CLMN: variants seen among roughly 807,000 people sequenced by gnomAD.
CLMN encodes the protein calmin.
CLMN carries 57 observed loss-of-function variants against 92.7 expected under a neutral mutation model. The observed-to-expected ratio is 0.61, with a 90% CI of 0.50 to 0.77. The LOEUF is 0.77. Among genes scored for constraint, CLMN ranks in the 30% least tolerant of loss-of-function variants. The probability of loss-of-function intolerance (pLI) is 0.00; values close to 1 mark genes in which losing one functional copy is unlikely to be tolerated. For missense variants in CLMN, 1,158 were observed against 1,237.5 expected (o/e 0.94, Z 0.96); for synonymous variants, 466 against 470.6 (o/e 0.99, Z 0.13).
intron 1 of CLMN, among the ~76,000 whole-genome samples, chr14:95,270,138 C>T (rs758070686): frequency 6.6e-6 from 1 of 152,150 alleles, no homozygotes; most frequent in Non-Finnish European, 1.5e-5. Flanking sequence ...TCTCCTCCCA[C>T]GATGTGCCAT....
At chr14:95,260,237 C>T (rs879614827) in intron 1 of CLMN, among the ~76,000 whole-genome samples, 2 of 152,076 alleles carry the variant, frequency 1.3e-5, no homozygotes, top group Admixed American at 1.3e-4. Context: ...GTCAGGAGAT[C>T]GAGACCATCC....
rs564869405 is a variant in CLMN, at chr14:95,264,867, G to T, written c.83-34734C>A. Among the ~76,000 whole-genome samples the T allele has an allele frequency of 8.1e-4, 122 of 150,348 alleles. 1 individual carries two copies. The South Asian group carries it at 0.014, about 18-fold the overall frequency. On this transcript the variant is annotated intron_variant, in intron 1 of 12. Coordinates refer to ENST00000298912, the MANE Select transcript of CLMN (RefSeq NM_024734.4). ...GCAGGAGGATCACTTGAATCCAGGAGTTTGAGACCAGCCTGGGCAACATGG... is the reference window on the plus strand; with the variant it reads ...GCAGGAGGATCACTTGAATCCAGGATTTTGAGACCAGCCTGGGCAACATGG...
intron 1 of CLMN, among the ~76,000 whole-genome samples, chr14:95,317,659 C>G (rs150709907): frequency 6.6e-6 from 1 of 151,136 alleles, no homozygotes; most frequent in Admixed American, 6.6e-5. Flanking sequence ...CAGGTTCTAG[C>G]GGCAAAACTA....
At chr14:95,264,318 A>G (rs1162324553) in intron 1 of CLMN, among the ~76,000 whole-genome samples, 1 of 152,154 alleles carries the variant, frequency 6.6e-6, no homozygotes, top group Non-Finnish European at 1.5e-5. Context: ...TATAGGCATG[A>G]GCCACTGTGC....
chr14:95,293,609 C>T (rs552111582), intron 1 of CLMN, among the ~76,000 whole-genome samples: 81 of 152,220 alleles, frequency 5.3e-4, no homozygotes, highest in African/African-American at 1.9e-3. Context: ...CAGGCAGGAA[C>T]GAGCTGCACA....
At position 95,193,872 on chromosome 14, in the gene CLMN, G is replaced by A. The variant is rs756579565; in HGVS notation, c.2817C>T (p.Asp939=). 18 of 1,613,942 alleles carry A rather than the reference G, an allele frequency of 1.1e-5. No individual in the cohort carries two copies. The highest frequency in any genetic ancestry group is 1.7e-5 in the Admixed American group (1 of 59,978). The change falls in exon 12 of 13, where the codon GAC becomes GAT. Residue 939 remains aspartate, a synonymous_variant. Transcript: ENST00000298912. ...VQLRNAADLD[D]RRNRILTRKA... ...ACCTGGTTAATATTCGGTTTCTTCTGTCATCCAGATCTGCTGCGTTCCTCA... is the reference window on the plus strand; with the variant it reads ...ACCTGGTTAATATTCGGTTTCTTCTATCATCCAGATCTGCTGCGTTCCTCA...
intron 1 of CLMN, among the ~76,000 whole-genome samples, chr14:95,316,950 C>T (rs573910098): frequency 1.3e-3 from 193 of 152,336 alleles, no homozygotes; most frequent in African/African-American, 4.4e-3. Context: ...CACTGTAGCC[C>T]TCCTTCCATC....
intron 9 of CLMN, 93 bp downstream of exon 9, chr14:95,202,745 G>A (rs1158910112): frequency 3.0e-5 from 40 of 1,335,370 alleles, no homozygotes; most frequent in Non-Finnish European, 3.0e-5. Flanking sequence ...CCCCCTCATC[G>A]CTATTTTATG....
In CLMN at chr14:95,196,665, T is replaced by C; in HGVS notation, c.2541A>G (p.Ile847Met). ...QSQESPNLENIANPLEENVTK... is the reference protein window; with the variant it reads ...QSQESPNLENMANPLEENVTK... Reference sequence around the variant, plus strand: ...TTACATTTTCTTCTAGGGGGTTTGCTATGTTTTCCAGGTTTGGGGATTCCT... The same window carrying C: ...TTACATTTTCTTCTAGGGGGTTTGCCATGTTTTCCAGGTTTGGGGATTCCT... Residue 847 changes from isoleucine (I) to methionine (M), a missense_variant, in exon 10 of 13, where the codon ATA (isoleucine) becomes ATG (methionine). Ile to Met is a conservative substitution (Grantham distance 10). Coordinates refer to ENST00000298912, the MANE Select transcript of CLMN (RefSeq NM_024734.4). 8 of 1,613,452 alleles carry C rather than the reference T, an allele frequency of 5.0e-6. No individual in the cohort carries two copies. The highest frequency in any genetic ancestry group is 6.8e-6 in the Non-Finnish European group (8 of 1,179,836).
At chr14:95,213,471 T>A in intron 5 of CLMN, 62 bp from the exon 6 acceptor site, 1 of 1,505,094 alleles carries the variant, frequency 6.6e-7, no homozygotes, top group Non-Finnish European at 8.9e-7. Context: ...AAGCCCCTTG[T>A]CTGGCGGGTG....
chr14:95,248,270 T>C (rs954123327), intron 1 of CLMN, among the ~76,000 whole-genome samples: 23 of 152,146 alleles, frequency 1.5e-4, no homozygotes, highest in African/African-American at 4.6e-4. Context: ...ACTAAAATTC[T>C]TAAGAAAATA....
intron 1 of CLMN, among the ~76,000 whole-genome samples, chr14:95,283,491 C>T (rs1434652650): frequency 6.6e-6 from 1 of 152,170 alleles, no homozygotes; most frequent in African/African-American, 2.4e-5. Flanking sequence ...GAGGTTGGAA[C>T]AGTTTGGAGG....
intron 1 of CLMN, among the ~76,000 whole-genome samples, chr14:95,282,957 G>T (rs1469498528): frequency 6.6e-6 from 1 of 152,228 alleles, no homozygotes; most frequent in Non-Finnish European, 1.5e-5. Flanking sequence ...TGGGGAGGGG[G>T]AGGGACTCAC....
At chr14:95,252,762 C>T (rs1331638296) in intron 1 of CLMN, among the ~76,000 whole-genome samples, 3 of 152,096 alleles carry the variant, frequency 2.0e-5, no homozygotes, top group African/African-American at 7.2e-5. Context: ...TAATGAAGCC[C>T]CAGTGGAAAC....
At chr14:95,313,293 C>G (rs1434543956) in intron 1 of CLMN, among the ~76,000 whole-genome samples, 1 of 152,266 alleles carries the variant, frequency 6.6e-6, no homozygotes, top group East Asian at 1.9e-4. Flanking sequence ...TTCTCCATTT[C>G]TGTCTTCCTC....
In CLMN at chr14:95,184,967, G is replaced by C. The variant is rs991796042; in HGVS notation, c.*6597C>G. 1 of 152,272 alleles carries C rather than the reference G, an allele frequency of 6.6e-6. No individual in the cohort carries two copies. Among genetic ancestry groups the C allele is most frequent in the Non-Finnish European group, 1.5e-5 (1 of 68,122 alleles). 9.4% of individuals were successfully genotyped at this position (152,272 alleles called of 1,614,324 possible). A position where few individuals can be genotyped will look rare whatever the true frequency, so the allele number is the denominator to read the frequency against. On this transcript the variant is annotated 3_prime_UTR_variant, in exon 13 of 13. Coordinates refer to ENST00000298912, the MANE Select transcript of CLMN (RefSeq NM_024734.4). The stretch of plus-strand genomic sequence containing the variant: ...TAAAAGATAAAAAAATTAGGTGGGC[G>C]TGGTGGCATGCACCTGTACTACCAG...
chr14:95,305,409 G>A (rs1057373155), intron 1 of CLMN, among the ~76,000 whole-genome samples: 1 of 152,322 alleles, frequency 6.6e-6, no homozygotes. Context: ...TGATGCAGTC[G>A]TGAACAAGAG....
At chr14:95,220,444 T>C (rs1466392292) in intron 4 of CLMN, among the ~76,000 whole-genome samples, 1 of 152,220 alleles carries the variant, frequency 6.6e-6, no homozygotes, top group African/African-American at 2.4e-5. Flanking sequence ...CCCAAAGTGC[T>C]GGGATTACAG....
intron 10 of CLMN, among the ~76,000 whole-genome samples, chr14:95,195,884 G>T (rs1282692957): frequency 6.6e-6 from 1 of 152,178 alleles, no homozygotes; most frequent in Non-Finnish European, 1.5e-5. Flanking sequence ...TGGCTCATCT[G>T]GTGGCCTTGG....
Sources: gnomAD v4.1 joint callset for allele counts (sites outside exome capture counted in the v4.1 genomes callset) on GRCh38, gnomAD v4.1.1 for gene constraint, MANE v1.5 for transcripts, NCBI Gene and HGNC (gene_info 2026-07-23, HGNC 2026-07-21) for gene names.